The following ECT2 variants were observed in gnomAD, a reference collection of about 807,000 sequenced individuals.
ECT2 encodes the protein epithelial cell transforming 2, also known as protein ECT2.
A neutral mutation model predicts 116.9 loss-of-function variants in ECT2; 61 were observed. The ratio of observed to expected loss-of-function variants is 0.52; its 90% CI spans 0.42 to 0.65. ECT2 has a LOEUF of 0.65. Ranked by LOEUF, ECT2 falls within the 30% of genes least tolerant of loss-of-function variation. ECT2 has a pLI of 0.00. For synonymous variants in ECT2, 358 were observed against 346.4 expected (o/e 1.03, Z -0.37); for missense variants, 937 against 1,078.7 (o/e 0.87, Z 1.84).
intron 18 of ECT2, among the ~76,000 whole-genome samples, chr3:172,787,266 G>T (rs568701158): frequency 5.9e-5 from 9 of 152,264 alleles, no homozygotes; most frequent in African/African-American, 2.2e-4. Context: ...AGATGCCAGG[G>T]TGCTTCTGTA....
At chr3:172,818,435 ATTAAT>A (rs763856768) in intron 24 of ECT2, 33 of 592,452 alleles carry the variant, frequency 5.6e-5, no homozygotes, top group South Asian at 1.4e-4. Flanking sequence ...ATTTTAGAAA[ATTAAT>A]TTATTTATGG....
At position 172,769,034 on chromosome 3, in the gene ECT2, C is replaced by T; in HGVS notation, c.1319C>T (p.Ser440Phe). 6.2e-7 allele frequency: 1 copy of T among 1,613,096 alleles called. No homozygotes were observed. The highest frequency in any genetic ancestry group is 1.3e-5 in the African/African-American group (1 of 75,006). ...GDTPKSCTKS[S>F]KSSTPVPSKQ... ...ACCCCAAAGTCTTGTACTAAGTCTT[C>T]TAAAAGCTCCACTCCAGTTCCTTCA... The change falls in exon 13 of 25, where the codon TCT becomes TTT. Residue 440 changes from serine to phenylalanine, a missense_variant. Physicochemically the swap from Ser to Phe is radical, Grantham distance 155. Transcript: ENST00000392692.
At chr3:172,774,557 A>G (rs1464631226) in intron 14 of ECT2, among the ~76,000 whole-genome samples, 1 of 151,610 alleles carries the variant, frequency 6.6e-6, no homozygotes, top group Non-Finnish European at 1.5e-5. Flanking sequence ...TGGCCTGATC[A>G]TGACTTACTG....
At chr3:172,762,321 C>T (rs1324448508) in intron 8 of ECT2, 95 bp from the exon 9 acceptor site, 1 of 1,307,860 alleles carries the variant, frequency 7.6e-7, no homozygotes, top group Non-Finnish European at 1.1e-6. Flanking sequence ...TAGATTATGC[C>T]AAGACCTTGA....
chr3:172,828,100 C>A, the ECT2 span, among the ~76,000 whole-genome samples: 1 of 152,018 alleles, frequency 6.6e-6, no homozygotes, highest in African/African-American at 2.4e-5. Context: ...AGTAAAAATA[C>A]CTTTTCCTAA....
intron 11 of ECT2, 45 bp from the exon 12 acceptor site, chr3:172,764,233 A>G: frequency 6.5e-7 from 1 of 1,537,218 alleles, no homozygotes. Context: ...CTGTCTCAGT[A>G]AAGAACCATG....
Position 172,761,673 on chromosome 3 carries a change from C to A in ECT2, c.748C>A (p.Arg250=). ...PEWIYKAWER[R]NEQDFYAAVD... is the part of the protein sequence containing the mutation. ...ATGGATTTATAAAGCTTGGGAAAGG[C>A]GGAATGAACAGTAAGTGTTTAGAAA... The change falls in exon 8 of 25, where the codon CGG becomes AGG. Residue 250 remains arginine (R), a synonymous_variant. Transcript: ENST00000392692. 1 of 1,606,924 alleles carries A rather than the reference C, an allele frequency of 6.2e-7. No homozygotes were observed. The highest frequency in any genetic ancestry group is 8.5e-7 in the Non-Finnish European group (1 of 1,174,716).
In ECT2 at chr3:172,790,496, A is replaced by C. The variant is rs567328771; in HGVS notation, c.1907+3922A>C. Among the ~76,000 whole-genome samples the C allele has an allele frequency of 9.2e-5, 14 of 152,348 alleles. No homozygotes were observed. In the South Asian group the frequency reaches 2.9e-3, roughly 32 times the overall value. The stretch of plus-strand genomic sequence containing the variant: ...AGGTTTTGTTATGGCTGTCCACTGC[A>C]GCCTGGCACTGAAATGTCCCATTGC... On this transcript the variant is annotated intron_variant, in intron 18 of 24. Transcript: ENST00000392692.
the ECT2 span, among the ~76,000 whole-genome samples, chr3:172,828,272 A>C: frequency 2.0e-5 from 3 of 152,224 alleles, no homozygotes; most frequent in African/African-American, 7.2e-5. Context: ...CTCAGTGTTG[A>C]AAAATACCAG....
At chr3:172,753,310 C>G (rs1266915703) in intron 1 of ECT2, among the ~76,000 whole-genome samples, 1 of 152,114 alleles carries the variant, frequency 6.6e-6, no homozygotes, top group East Asian at 1.9e-4. Context: ...GTTGCCCAGT[C>G]TGGTGTTGAA....
intron 1 of ECT2, among the ~76,000 whole-genome samples, chr3:172,753,582 G>A (rs969521384): frequency 2.0e-5 from 3 of 152,160 alleles, no homozygotes. Context: ...TACTGACAAG[G>A]GACCAGCCCA....
Position 172,815,599 on chromosome 3 carries a change from A to T in ECT2, c.2401-5A>T. On this transcript the variant is annotated splice_region_variant and splice_polypyrimidine_tract_variant and intron_variant, in intron 22 of 24. Transcript: ENST00000392692. ...AAGATAACAAAAAGTATTATTTTTCAATAGGAGAATCTTATTTATACTGCT... is the reference window on the plus strand; with the variant it reads ...AAGATAACAAAAAGTATTATTTTTCTATAGGAGAATCTTATTTATACTGCT... 1 of 1,523,928 alleles carries T rather than the reference A, an allele frequency of 6.6e-7. No individual in the cohort carries two copies. Among genetic ancestry groups the T allele is most frequent in the Non-Finnish European group, 8.9e-7 (1 of 1,119,896 alleles). The allele number at this position is 1,523,928 out of a possible 1,614,324, so 94.4% of individuals were successfully genotyped here.
intron 18 of ECT2, among the ~76,000 whole-genome samples, chr3:172,788,798 G>A (rs999778159): frequency 1.1e-4 from 17 of 152,290 alleles, no homozygotes; most frequent in African/African-American, 2.6e-4. Context: ...TGTGGCTCAC[G>A]CCTGTAATCC....
chr3:172,777,665 G>T (rs1180218974), intron 14 of ECT2, among the ~76,000 whole-genome samples: 2 of 152,166 alleles, frequency 1.3e-5, no homozygotes, highest in Non-Finnish European at 2.9e-5. Flanking sequence ...TTGGGAGGCC[G>T]AGGCAAGTGG....
intron 12 of ECT2, among the ~76,000 whole-genome samples, chr3:172,765,687 A>T (rs1719238393): frequency 6.6e-6 from 1 of 152,120 alleles, no homozygotes. Flanking sequence ...AAATATATAA[A>T]TTAGATGATG....
chr3:172,826,682 T>C, the ECT2 span, among the ~76,000 whole-genome samples: 58 of 152,338 alleles, frequency 3.8e-4, no homozygotes, highest in African/African-American at 1.3e-3. Context: ...GCCAACTTCA[T>C]TGTTGCCTTA....
intron 18 of ECT2, among the ~76,000 whole-genome samples, chr3:172,793,793 A>G (rs1725123328): frequency 6.6e-6 from 1 of 152,094 alleles, no homozygotes; most frequent in South Asian, 2.1e-4. Flanking sequence ...GTGACATTCT[A>G]ATAGATGTTT....
At chr3:172,804,996 TATAAA>T (rs1727412680) in intron 20 of ECT2, among the ~76,000 whole-genome samples, 1 of 152,058 alleles carries the variant, frequency 6.6e-6, no homozygotes, top group Non-Finnish European at 1.5e-5. Context: ...TCATAATAAA[TATAAA>T]ATAAAAACTT....
At chr3:172,765,858 A>G (rs1024838031) in intron 12 of ECT2, among the ~76,000 whole-genome samples, 18 of 152,140 alleles carry the variant, frequency 1.2e-4, no homozygotes, top group Middle Eastern at 3.4e-3. Flanking sequence ...TTATTCTTCA[A>G]ATATTTTTAG....
Sources: allele counts gnomAD v4.1 joint callset (sites outside exome capture counted in the v4.1 genomes callset), GRCh38; gene constraint gnomAD v4.1.1; transcripts MANE v1.5; gene names NCBI Gene and HGNC (gene_info 2026-07-23, HGNC 2026-07-21).